Variants in FMNL2 observed in about 807,000 individuals in gnomAD.
FMNL2 encodes the protein formin like 2.
Under a neutral mutation model 130.2 loss-of-function variants are expected in FMNL2, and 51 were observed. The ratio of observed to expected loss-of-function variants is 0.39; its 90% CI spans 0.31 to 0.49. FMNL2 has a LOEUF of 0.49. Ranked by LOEUF, FMNL2 falls within the 20% of genes least tolerant of loss-of-function variation. The pLI, the probability that FMNL2 is intolerant of heterozygous loss-of-function variation, is 0.85. For synonymous variants in FMNL2, 465 were observed against 467.1 expected (o/e 1.00, Z 0.06); for missense variants, 977 against 1,316.2 (o/e 0.74, Z 3.99).
chr2:152,360,317 T>C (rs1408660380), intron 1 of FMNL2, among the ~76,000 whole-genome samples: 1 of 152,110 alleles, frequency 6.6e-6, no homozygotes, highest in Non-Finnish European at 1.5e-5. Flanking sequence ...TTTTCTTTCT[T>C]CTTTTCCTCT....
intron 15 of FMNL2, among the ~76,000 whole-genome samples, chr2:152,624,184 T>A (rs1360422657): frequency 1.3e-5 from 2 of 149,216 alleles, no homozygotes; most frequent in Non-Finnish European, 3.0e-5. Context: ...TGAGATGGAG[T>A]TTCGCTCTTG....
intron 1 of FMNL2, among the ~76,000 whole-genome samples, chr2:152,420,984 A>G (rs927842068): frequency 7.9e-5 from 12 of 152,224 alleles, no homozygotes; most frequent in African/African-American, 1.2e-4. Context: ...CCTTTCTGCA[A>G]GGATTGTAGG....
intron 1 of FMNL2, among the ~76,000 whole-genome samples, chr2:152,400,198 C>G (rs35083325): frequency 6.6e-6 from 1 of 151,938 alleles, no homozygotes; most frequent in Non-Finnish European, 1.5e-5. Context: ...TTTGGGAAGC[C>G]GAGGCGGGCG....
intron 1 of FMNL2, among the ~76,000 whole-genome samples, chr2:152,437,785 G>A (rs2106117282): frequency 6.6e-6 from 1 of 152,304 alleles, no homozygotes; most frequent in African/African-American, 2.4e-5. Context: ...CAGTCTTCAA[G>A]CACATCTTGA....
At chr2:152,431,941 G>GGCAACAGA (rs1365094089) in intron 1 of FMNL2, among the ~76,000 whole-genome samples, 3 of 127,446 alleles carry the variant, frequency 2.4e-5, no homozygotes, top group Non-Finnish European at 4.6e-5. Context: ...TCCTGGTCTG[G>GGCAACAGA]GCAACAGAGT....
chr2:152,358,101 G>A (rs1262193695), intron 1 of FMNL2, among the ~76,000 whole-genome samples: 2 of 152,134 alleles, frequency 1.3e-5, no homozygotes, highest in Admixed American at 6.5e-5. Context: ...TGAGTCTGCC[G>A]AGTCTGCCAG....
At chr2:152,397,954 T>G (rs773476843) in intron 1 of FMNL2, among the ~76,000 whole-genome samples, 6 of 152,076 alleles carry the variant, frequency 3.9e-5, no homozygotes, top group Non-Finnish European at 7.4e-5. Context: ...CAAAACCTCA[T>G]CTCTACTAAA....
At chr2:152,348,813 T>C (rs1428131036) in intron 1 of FMNL2, among the ~76,000 whole-genome samples, 1 of 130,362 alleles carries the variant, frequency 7.7e-6, no homozygotes, top group Admixed American at 7.9e-5. Flanking sequence ...TCTGTGCTTC[T>C]AAGGGTTTTT....
At chr2:152,405,276 A>G (rs1685922939) in intron 1 of FMNL2, among the ~76,000 whole-genome samples, 1 of 152,194 alleles carries the variant, frequency 6.6e-6, no homozygotes, top group Admixed American at 6.5e-5. Flanking sequence ...TCCTTCTGAC[A>G]TTCAACGCAT....
At chr2:152,527,949 A>C (rs1318758213) in intron 2 of FMNL2, among the ~76,000 whole-genome samples, 1 of 152,118 alleles carries the variant, frequency 6.6e-6, no homozygotes, top group Non-Finnish European at 1.5e-5. Flanking sequence ...TGCATGCAAA[A>C]GGTTTTTATA....
intron 1 of FMNL2, among the ~76,000 whole-genome samples, chr2:152,479,967 G>A (rs1191590259): frequency 1.3e-5 from 2 of 152,110 alleles, no homozygotes; most frequent in Non-Finnish European, 2.9e-5. Context: ...ACAGGTATTG[G>A]CCTTGGCCTA....
intron 1 of FMNL2, among the ~76,000 whole-genome samples, chr2:152,417,587 G>A (rs1193719899): frequency 6.6e-6 from 1 of 152,160 alleles, no homozygotes. Flanking sequence ...TGAGGCTTAG[G>A]CTGAAAGGCT....
intron 7 of FMNL2, among the ~76,000 whole-genome samples, chr2:152,576,387 A>G (rs1696481581): frequency 6.6e-6 from 1 of 152,208 alleles, no homozygotes; most frequent in Non-Finnish European, 1.5e-5. Context: ...TAAAATGTAT[A>G]TGTTCCAGAT....
intron 1 of FMNL2, among the ~76,000 whole-genome samples, chr2:152,397,897 G>T (rs1685486147): frequency 6.6e-6 from 1 of 152,206 alleles, no homozygotes; most frequent in Non-Finnish European, 1.5e-5. Context: ...ACCAAGGCAG[G>T]CGGATCACCT....
At chr2:152,593,515 C>G (rs971979807) in intron 9 of FMNL2, among the ~76,000 whole-genome samples, 9 of 152,158 alleles carry the variant, frequency 5.9e-5, no homozygotes, top group East Asian at 1.9e-4. Context: ...AATGACTCAG[C>G]CTTGGACCCA....
intron 1 of FMNL2, among the ~76,000 whole-genome samples, chr2:152,508,735 T>G (rs976634020): frequency 1.1e-4 from 17 of 152,114 alleles, no homozygotes; most frequent in African/African-American, 4.1e-4. Context: ...ATTGAGTGGG[T>G]GTACTGAGTT....
chr2:152,372,717 T>C lies in FMNL2; in HGVS notation c.117+36997T>C, dbSNP rs1579506397. Among the ~76,000 whole-genome samples the C allele has an allele frequency of 5.3e-5, 8 of 152,340 alleles. No homozygotes were observed. In the East Asian group the frequency reaches 1.4e-3, roughly 26 times the overall value. On this transcript the variant is annotated intron_variant, in intron 1 of 25. Transcript: ENST00000288670. ...TTGGGCGGCCTGAACATTGGCTGTT[T>C]AATACCAATTAAAAGCAAGGGCTGT...
At chr2:152,631,393 A>C (rs1682154713) in intron 20 of FMNL2, among the ~76,000 whole-genome samples, 1 of 13,206 alleles carries the variant, frequency 7.6e-5, no homozygotes, top group Non-Finnish European at 1.6e-4. Flanking sequence ...ACTCCATCTC[A>C]AAAAAAAAAA....
intron 9 of FMNL2, among the ~76,000 whole-genome samples, chr2:152,605,406 C>T (rs1698312909): frequency 6.6e-6 from 1 of 152,070 alleles, no homozygotes; most frequent in Non-Finnish European, 1.5e-5. Flanking sequence ...GCAGCCTCGA[C>T]CTCATGGACT....
Sources: allele counts gnomAD v4.1 joint callset (sites outside exome capture counted in the v4.1 genomes callset), GRCh38; gene constraint gnomAD v4.1.1; transcripts MANE v1.5; gene names NCBI Gene and HGNC (gene_info 2026-07-23, HGNC 2026-07-21).